The following ORC3 variants were observed in gnomAD, a reference collection of about 807,000 sequenced individuals.
The protein encoded by ORC3 is homolog of latheo, Drosophila.
ORC3 carries 78 observed loss-of-function variants against 100.7 expected under a neutral mutation model. That is an observed-to-expected ratio of 0.77 (90% confidence interval 0.65 to 0.94). The LOEUF is 0.94. Among genes scored for constraint, ORC3 ranks in the 40% least tolerant of loss-of-function variants. ORC3 has a pLI of 0.00. For synonymous variants in ORC3, 295 were observed against 289.3 expected, an observed-to-expected ratio of 1.02 and a Z score of -0.20; for missense variants, 789 against 823.9, an observed-to-expected ratio of 0.96 and a Z score of 0.52.
intron 11 of ORC3, among the ~76,000 whole-genome samples, chr6:87,627,483 A>G (rs1002837296): frequency 1.3e-5 from 2 of 150,322 alleles, no homozygotes; most frequent in African/African-American, 4.9e-5. Context: ...TTTAGTAGAG[A>G]CGGGGTTTCA....
At chr6:87,642,329 G>A (rs962326000) in intron 13 of ORC3, among the ~76,000 whole-genome samples, 2 of 152,072 alleles carry the variant, frequency 1.3e-5, no homozygotes, top group African/African-American at 2.4e-5. Flanking sequence ...AGTGGCTGAC[G>A]CCTGTAATTC....
At chr6:87,640,820 CT>C (rs1768188805) in intron 13 of ORC3, among the ~76,000 whole-genome samples, 1 of 152,146 alleles carries the variant, frequency 6.6e-6, no homozygotes, top group African/African-American at 2.4e-5. Flanking sequence ...TCAGAGGCAG[CT>C]GGGTGTGGTG....
chr6:87,623,898 A>G (rs1487381936), intron 11 of ORC3, among the ~76,000 whole-genome samples: 3 of 151,886 alleles, frequency 2.0e-5, no homozygotes, highest in Non-Finnish European at 4.4e-5. Context: ...AAAAAACAAA[A>G]CAAAACAAAA....
At chr6:87,675,309 C>T in the ORC3 span, 3 of 443,026 alleles carry the variant, frequency 6.8e-6, no homozygotes, top group East Asian at 3.5e-5. Context: ...TCTAGAATAC[C>T]AGCTTTAATC....
intron 15 of ORC3, 181 bp downstream of exon 15, chr6:87,657,163 C>T: frequency 3.8e-6 from 2 of 521,206 alleles, no homozygotes; most frequent in South Asian, 4.3e-5. Flanking sequence ...CATCATTACT[C>T]TACATATACA....
chr6:87,676,284 G>A, the ORC3 span, among the ~76,000 whole-genome samples: 2,908 of 150,882 alleles, frequency 0.019, 87 homozygotes, highest in African/African-American at 0.067. Flanking sequence ...CTAACACGGT[G>A]AAACCCCATC....
At chr6:87,673,678 TA>T in the ORC3 span, among the ~76,000 whole-genome samples, 2 of 151,864 alleles carry the variant, frequency 1.3e-5, no homozygotes, top group South Asian at 4.2e-4. Context: ...CCGTCTCTAC[TA>T]AAAATACAAA....
At chr6:87,596,037 C>T (rs2128243956) in intron 2 of ORC3, among the ~76,000 whole-genome samples, 1 of 151,660 alleles carries the variant, frequency 6.6e-6, no homozygotes, top group Non-Finnish European at 1.5e-5. Flanking sequence ...GACAGGGTCT[C>T]ACTTTGTTGC....
At position 87,665,802 on chromosome 6, in the gene ORC3, G is replaced by T; in HGVS notation, c.1999G>T (p.Ala667Ser). 1 of 1,611,156 alleles carries T rather than the reference G, an allele frequency of 6.2e-7. No individual in the cohort carries two copies. Among genetic ancestry groups the T allele is most frequent in the African/African-American group, 1.3e-5 (1 of 74,970 alleles). The change falls in exon 19 of 20, where the codon GCA becomes TCA. Residue 667 changes from alanine (A) to serine (S), a missense_variant. Transcript: ENST00000392844. ...TGCTGAAAAAATGGATGCAAATTCT[G>T]CAACCTCAGAAGAAATGAATGAAAT... ...TAAEKMDANS[A>S]TSEEMNEIIH... is the part of the protein sequence containing the mutation.
chr6:87,656,337 C>G (rs1769685400), intron 14 of ORC3, among the ~76,000 whole-genome samples: 1 of 152,184 alleles, frequency 6.6e-6, no homozygotes, highest in South Asian at 2.1e-4. Context: ...CCTGTAATCC[C>G]AGCACTTTGG....
chr6:87,591,948 C>T (rs1777052295), intron 1 of ORC3, among the ~76,000 whole-genome samples: 1 of 152,172 alleles, frequency 6.6e-6, no homozygotes, highest in South Asian at 2.1e-4. Context: ...CCAGGCGGGT[C>T]TCGAACTCCT....
chr6:87,644,507 C>T (rs1768586810), intron 13 of ORC3, among the ~76,000 whole-genome samples: 1 of 151,984 alleles, frequency 6.6e-6, no homozygotes. Flanking sequence ...AGGAGACCAG[C>T]CTGGCCAACA....
intron 19 of ORC3, among the ~76,000 whole-genome samples, chr6:87,666,289 G>A (rs2128297190): frequency 6.6e-6 from 1 of 151,910 alleles, no homozygotes; most frequent in Middle Eastern, 3.4e-3. Context: ...CTGCCACCAA[G>A]CCCAGCTAAT....
chr6:87,619,746 A>G (rs940947224), intron 9 of ORC3, among the ~76,000 whole-genome samples: 3 of 152,200 alleles, frequency 2.0e-5, no homozygotes, highest in South Asian at 2.1e-4. Context: ...AGTTTTGCAC[A>G]TGAAGAAATT....
intron 13 of ORC3, among the ~76,000 whole-genome samples, chr6:87,650,061 CTTT>C (rs565491984): frequency 6.5e-5 from 8 of 122,642 alleles, no homozygotes; most frequent in Admixed American, 1.7e-4. Context: ...TTTACACTCT[CTTT>C]TTTTTTTTTT....
intron 5 of ORC3, among the ~76,000 whole-genome samples, chr6:87,607,159 A>G (rs772264658): frequency 3.9e-5 from 6 of 152,102 alleles, no homozygotes; most frequent in Non-Finnish European, 7.4e-5. Context: ...GGCTGGGAGC[A>G]GTGTTTGATG....
In ORC3 at chr6:87,658,040, A is replaced by C. The variant is rs751354186; in HGVS notation, c.1691+22A>C. ...TGAGGTAAGTCTAAATTTAGCTCTT[A>C]AGAGCTAAAAATCATGCTGTTTTTC... On this transcript the variant is annotated intron_variant, in intron 16 of 19. Coordinates refer to ENST00000392844, the MANE Select transcript of ORC3 (RefSeq NM_012381.4). 3.8e-5 allele frequency: 48 copies of C among 1,270,310 alleles called. 1 individual carries two copies. In the Admixed American group the frequency reaches 7.7e-4, roughly 20 times the overall value. The allele number at this position is 1,270,310 out of a possible 1,614,324, so 78.7% of individuals were successfully genotyped here. A position where few individuals can be genotyped will look rare whatever the true frequency, so the allele number is the denominator to read the frequency against.
intron 2 of ORC3, 129 bp from the exon 3 acceptor site, chr6:87,601,653 CAG>C: frequency 1.7e-6 from 1 of 596,318 alleles, no homozygotes; most frequent in Non-Finnish European, 3.0e-6. Flanking sequence ...GCCTGGGTGA[CAG>C]AGTGAGACTC....
At chr6:87,650,586 G>T (rs943672891) in intron 13 of ORC3, among the ~76,000 whole-genome samples, 1 of 152,044 alleles carries the variant, frequency 6.6e-6, no homozygotes, top group Non-Finnish European at 1.5e-5. Flanking sequence ...GACTTTATTG[G>T]GGTTGGTTAA....
Sources: gnomAD v4.1 joint callset for allele counts (sites outside exome capture counted in the v4.1 genomes callset) on GRCh38, gnomAD v4.1.1 for gene constraint, MANE v1.5 for transcripts, NCBI Gene and HGNC (gene_info 2026-07-23, HGNC 2026-07-21) for gene names.